The following DENND4C variants were observed in gnomAD, a reference collection of about 807,000 sequenced individuals.
DENND4C encodes the protein DENN domain containing 4C.
Under a neutral mutation model 203.0 loss-of-function variants are expected in DENND4C, and 108 were observed. That is an observed-to-expected ratio of 0.53 (90% CI 0.46 to 0.62). The LOEUF (loss-of-function observed/expected upper bound fraction) is 0.62. DENND4C is among the 20% of genes least tolerant of loss of function. The pLI, the probability that DENND4C is intolerant of heterozygous loss-of-function variation, is 0.00. For synonymous variants in DENND4C, 871 were observed against 792.4 expected (o/e 1.10, Z -1.67); for missense variants, 2,481 against 2,301.2 (o/e 1.08, Z -1.60).
At position 19,357,058 on chromosome 9, in the gene DENND4C, T is replaced by C. The variant is rs779262745; in HGVS notation, c.4868T>C (p.Val1623Ala). ...LANESLEHKPVSSLAEPDLIN... is the reference protein window; with the variant it reads ...LANESLEHKPASSLAEPDLIN... ...AATGAATCCTTGGAGCACAAACCTG[T>C]ATCCAGTTTAGCAGAACCTGACTTG... Residue 1623 changes from valine to alanine, a missense_variant, in exon 27 of 33, where the codon GTA becomes GCA. Transcript: ENST00000434457. The C allele has an allele frequency of 5.6e-6, 9 of 1,613,858 alleles. No homozygotes were observed. Among genetic ancestry groups the C allele is most frequent in the Non-Finnish European group, 7.6e-6 (9 of 1,179,918 alleles).
rs1825806596 is a variant in DENND4C at position 19,358,288 on chromosome 9, A to G, written c.5160+128A>G. 1 of 752,956 alleles carries G rather than the reference A, an allele frequency of 1.3e-6. No individual in the cohort carries two copies. 46.6% of individuals were successfully genotyped at this position (752,956 alleles called of 1,614,324 possible). ...AAGTGATAGAGTTTTTCCATAAACA[A>G]ATAACTTTTTATTGTGGAGAATTTC... is the stretch of plus-strand genomic sequence containing the variant. On this transcript the variant is annotated intron_variant, in intron 28 of 32. Coordinates refer to ENST00000434457, the MANE Select transcript of DENND4C (RefSeq NM_001330640.2). This position sits in a 1 kb window ranked among gnomAD's most constrained non-coding sequence, Gnocchi z 4.8.
At position 19,284,868 on chromosome 9, in the gene DENND4C, G is replaced by A. The variant is rs577266540; in HGVS notation, c.306-1901G>A. On this transcript the variant is annotated intron_variant, in intron 2 of 32. Coordinates refer to ENST00000434457, the MANE Select transcript of DENND4C (RefSeq NM_001330640.2). ...CTTGTCTTTTATCTTGGCTTATGGT[G>A]TTCGTTGTCATGTAACGTTTATTTT... is the stretch of plus-strand genomic sequence containing the variant. Among the ~76,000 whole-genome samples, 7 of 152,126 alleles carry A rather than the reference G, an allele frequency of 4.6e-5. No individual in the cohort carries two copies. In the South Asian group the frequency reaches 1.2e-3, roughly 27 times the overall value.
rs565001496 is a variant in DENND4C, at chr9:19,327,176, C to A, written c.2121-854C>A. Among the ~76,000 whole-genome samples the A allele has an allele frequency of 3.6e-4, 54 of 152,052 alleles. 1 individual carries two copies. The South Asian group carries it at 0.01, about 29-fold the overall frequency. On this transcript the variant is annotated intron_variant, in intron 15 of 32. Coordinates refer to ENST00000434457, the MANE Select transcript of DENND4C (RefSeq NM_001330640.2). ...TGGCTTAACTACAAGAAATTGGAAT[C>A]CAGATATTGACAAACAAGATAAAAT...
chr9:19,259,793 C>A (rs763817234), intron 1 of DENND4C, among the ~76,000 whole-genome samples: 17 of 152,304 alleles, frequency 1.1e-4, no homozygotes, highest in South Asian at 2.1e-4. Context: ...GCGTCAGCCA[C>A]CACGCCTGGC....
Position 19,346,434 on chromosome 9 carries a change from C to G in DENND4C, c.3665C>G (p.Thr1222Arg), listed in dbSNP as rs775651037. 1.2e-6 allele frequency: 2 copies of G among 1,614,110 alleles called. No individual in the cohort carries two copies. The highest frequency in any genetic ancestry group is 2.2e-5 in the East Asian group (1 of 44,872). The change falls in exon 23 of 33, where the codon ACA becomes AGA. Residue 1222 changes from threonine to arginine, a missense_variant. Transcript: ENST00000434457. ...AGTAATCAGTCCAGAGACTTGAAAA[C>G]AGTATCCAAAGATCTGAGGAATAAG... ...SNSNQSRDLK[T>R]VSKDLRNKRS...
chr9:19,330,206 T>A (rs1007393719), intron 16 of DENND4C, among the ~76,000 whole-genome samples: 1 of 152,100 alleles, frequency 6.6e-6, no homozygotes, highest in African/African-American at 2.4e-5. Flanking sequence ...AGCAGAATTT[T>A]TTTTTTCAGG....
intron 1 of DENND4C, among the ~76,000 whole-genome samples, chr9:19,260,093 G>A (rs1273471239): frequency 6.6e-6 from 1 of 152,122 alleles, no homozygotes; most frequent in Admixed American, 6.6e-5. Context: ...GTGTATGAGG[G>A]TTCCCTTTTC....
chr9:19,306,745 G>T lies in DENND4C; in HGVS notation c.1487+1218G>T, dbSNP rs552075603. On this transcript the variant is annotated intron_variant, in intron 10 of 32. Coordinates refer to ENST00000434457, the MANE Select transcript of DENND4C (RefSeq NM_001330640.2). The stretch of plus-strand genomic sequence containing the variant: ...ATAAATGTGAAGTGTTTGCACAATT[G>T]TATTTATTTATTTATTTATTTATTT... 3.0e-3 allele frequency among the ~76,000 whole-genome samples: 429 copies of T among 142,322 alleles called. 2 individuals carry two copies. Among genetic ancestry groups the T allele is most frequent in the African/African-American group, 0.01 (408 of 38,882 alleles). The allele number at this position is 142,322 out of a possible 152,430, so 93.4% of individuals were successfully genotyped here.
At chr9:19,264,465 C>G (rs971295596) in intron 1 of DENND4C, among the ~76,000 whole-genome samples, 1 of 152,058 alleles carries the variant, frequency 6.6e-6, no homozygotes, top group Non-Finnish European at 1.5e-5. Flanking sequence ...TGCCACCATG[C>G]CTGGCTAATT....
intron 31 of DENND4C, 141 bp downstream of exon 31, chr9:19,370,128 A>G: frequency 1.0e-6 from 1 of 1,004,850 alleles, no homozygotes; most frequent in Non-Finnish European, 1.5e-6. Context: ...TGCTACACAG[A>G]TATATACATT....
chr9:19,308,028 C>G (rs1307140790), intron 10 of DENND4C, among the ~76,000 whole-genome samples: 1 of 151,870 alleles, frequency 6.6e-6, no homozygotes, highest in African/African-American at 2.4e-5. Context: ...GAATAGTTTT[C>G]TGTGAATTAC....
chr9:19,250,347 G>C (rs1364414312), intron 1 of DENND4C, among the ~76,000 whole-genome samples: 1 of 152,160 alleles, frequency 6.6e-6, no homozygotes, highest in African/African-American at 2.4e-5. Flanking sequence ...GGGAGGCTGA[G>C]ACAGGAGAAT....
intron 10 of DENND4C, among the ~76,000 whole-genome samples, chr9:19,314,386 G>A (rs569792140): frequency 1.3e-4 from 19 of 151,250 alleles, no homozygotes; most frequent in Admixed American, 8.5e-4. Flanking sequence ...CCTGGGAGGT[G>A]GAGGTTGCAG....
rs1008370195 is a variant in DENND4C at position 19,358,759 on chromosome 9, C to T, written c.5160+599C>T. 6.6e-6 allele frequency among the ~76,000 whole-genome samples: 1 copy of T among 151,808 alleles called. No homozygotes were observed. The highest frequency in any genetic ancestry group is 1.5e-5 in the Non-Finnish European group (1 of 68,022). On this transcript the variant is annotated intron_variant, in intron 28 of 32. Transcript: ENST00000434457. The surrounding 1 kb of genome is among the most constrained non-coding windows in gnomAD (Gnocchi z 4.8). ...TCTTGCAATTTATTTGTTGATAAAA[C>T]TGGTTAGAGTACAGTTTTCCATAAT...
intron 5 of DENND4C, among the ~76,000 whole-genome samples, chr9:19,295,680 A>G (rs1168288942): frequency 6.6e-6 from 1 of 151,786 alleles, no homozygotes; most frequent in African/African-American, 2.4e-5. Flanking sequence ...AAAAAAAAAA[A>G]AAAAAAGAAA....
At position 19,361,840 on chromosome 9, in the gene DENND4C, T is replaced by G; in HGVS notation, c.5407-6T>G. 2 of 1,543,698 alleles carry G rather than the reference T, an allele frequency of 1.3e-6. No homozygotes were observed. Among genetic ancestry groups the G allele is most frequent in the Non-Finnish European group, 1.8e-6 (2 of 1,116,382 alleles). On this transcript the variant is annotated splice_region_variant and splice_polypyrimidine_tract_variant and intron_variant, in intron 29 of 32. Transcript: ENST00000434457. ...GATACTAATACTTTCTTTTGATTTC[T>G]TTTAGCTTCCTCTGTCATCTCTGTC...
At chr9:19,365,237 T>C (rs1227950593) in intron 30 of DENND4C, among the ~76,000 whole-genome samples, 3 of 152,194 alleles carry the variant, frequency 2.0e-5, no homozygotes, top group African/African-American at 7.2e-5. Flanking sequence ...AAGCATGCAA[T>C]TGTGGTTTAA....
intron 22 of DENND4C, among the ~76,000 whole-genome samples, chr9:19,343,581 G>A (rs1822150494): frequency 6.6e-6 from 1 of 152,198 alleles, no homozygotes; most frequent in Non-Finnish European, 1.5e-5. Context: ...TATTTACCGT[G>A]ACTCCGAGTT....
rs1839307481 is a variant in DENND4C at position 19,304,705 on chromosome 9, T to A, written c.1312-647T>A. Among the ~76,000 whole-genome samples the A allele has an allele frequency of 2.0e-5, 3 of 150,782 alleles. No homozygotes were observed. In the South Asian group the frequency reaches 6.3e-4, roughly 32 times the overall value. The stretch of plus-strand genomic sequence containing the variant: ...GGGCCCACCACCACGTCTGGCTAAT[T>A]TTTTGTACTTTTTTTTTTTTTTTTT... On this transcript the variant is annotated intron_variant, in intron 9 of 32. Transcript: ENST00000434457.
Sources: gnomAD v4.1 joint callset for allele counts (sites outside exome capture counted in the v4.1 genomes callset) on GRCh38, gnomAD v4.1.1 for gene constraint, Gnocchi (gnomAD v3.1) non-coding constraint, MANE v1.5 for transcripts, NCBI Gene and HGNC (gene_info 2026-07-23, HGNC 2026-07-21) for gene names.